Variants in PLPPR1 observed in about 807,000 individuals in gnomAD.
The protein encoded by PLPPR1 is phospholipid phosphatase related 1.
Under a neutral mutation model 33.1 loss-of-function variants are expected in PLPPR1, and 10 were observed. That is an observed-to-expected ratio of 0.30 (90% CI 0.19 to 0.51). PLPPR1 has a LOEUF of 0.51. Among genes scored for constraint, PLPPR1 ranks in the 20% least tolerant of loss-of-function variants. The pLI is 0.97. For missense variants in PLPPR1, 304 were observed against 408.1 expected (o/e 0.74, Z 2.20); for synonymous variants, 151 against 151.0 (o/e 1.00, Z 0.00).
intron 2 of PLPPR1, among the ~76,000 whole-genome samples, chr9:101,221,676 A>C (rs1482617348): frequency 6.6e-6 from 1 of 152,200 alleles, no homozygotes; most frequent in Non-Finnish European, 1.5e-5. Flanking sequence ...CTCAGAGGTG[A>C]AGTAACTGCC....
At chr9:101,265,131 T>G (rs899979760) in intron 2 of PLPPR1, among the ~76,000 whole-genome samples, 1 of 152,200 alleles carries the variant, frequency 6.6e-6, no homozygotes, top group Non-Finnish European at 1.5e-5. Context: ...TTCTTGACAT[T>G]TTTACTTTTC....
chr9:101,092,190 C>T (rs1830750026), intron 1 of PLPPR1, among the ~76,000 whole-genome samples: 1 of 152,198 alleles, frequency 6.6e-6, no homozygotes, highest in Admixed American at 6.5e-5. Context: ...GTCTACTTCT[C>T]TTTCAGGTGT....
At chr9:101,162,118 A>G (rs1215083293) in intron 1 of PLPPR1, among the ~76,000 whole-genome samples, 1 of 151,916 alleles carries the variant, frequency 6.6e-6, no homozygotes, top group African/African-American at 2.4e-5. Flanking sequence ...AAAAAAAAAA[A>G]AGATAATATT....
At chr9:101,173,422 C>T (rs1205010649) in intron 1 of PLPPR1, among the ~76,000 whole-genome samples, 1 of 152,208 alleles carries the variant, frequency 6.6e-6, no homozygotes, top group Non-Finnish European at 1.5e-5. Context: ...TCTTAAATAG[C>T]TCACAGGCTC....
At chr9:101,087,134 C>A (rs369360166) in intron 1 of PLPPR1, among the ~76,000 whole-genome samples, 2 of 151,014 alleles carry the variant, frequency 1.3e-5, no homozygotes, top group African/African-American at 2.4e-5. Flanking sequence ...GCCAAGACTG[C>A]GCCACTGTAC....
intron 2 of PLPPR1, among the ~76,000 whole-genome samples, chr9:101,261,460 C>T (rs1360213615): frequency 6.6e-6 from 1 of 152,058 alleles, no homozygotes; most frequent in Non-Finnish European, 1.5e-5. Flanking sequence ...CCTCTTTAGT[C>T]CTTAAAGAAG....
chr9:101,318,102 G>C (rs1223453047), intron 7 of PLPPR1, among the ~76,000 whole-genome samples: 1 of 151,920 alleles, frequency 6.6e-6, no homozygotes, highest in Non-Finnish European at 1.5e-5. Context: ...AGGCCAAGGT[G>C]GGAGGATTGC....
At chr9:101,170,235 A>G (rs1001416510) in intron 1 of PLPPR1, among the ~76,000 whole-genome samples, 2 of 152,192 alleles carry the variant, frequency 1.3e-5, no homozygotes, top group African/African-American at 4.8e-5. Context: ...AATACATACT[A>G]TATTAATCTG....
At chr9:101,031,104 T>A (rs1316925850) in intron 1 of PLPPR1, among the ~76,000 whole-genome samples, 1 of 152,198 alleles carries the variant, frequency 6.6e-6, no homozygotes, top group Non-Finnish European at 1.5e-5. Flanking sequence ...TATTTTCAAG[T>A]GAAATTGGCA....
intron 1 of PLPPR1, among the ~76,000 whole-genome samples, chr9:101,139,067 G>A (rs1831413505): frequency 1.3e-5 from 2 of 151,942 alleles, no homozygotes; most frequent in South Asian, 4.2e-4. Flanking sequence ...TGTTGTCTAA[G>A]TATCATGTTT....
chr9:101,237,341 A>G (rs1022893970), intron 2 of PLPPR1, among the ~76,000 whole-genome samples: 42 of 151,728 alleles, frequency 2.8e-4, no homozygotes, highest in African/African-American at 9.9e-4. Context: ...AAGGAAAATA[A>G]ATCATCACAT....
chr9:101,155,596 C>G (rs1831671542), intron 1 of PLPPR1, among the ~76,000 whole-genome samples: 1 of 120,358 alleles, frequency 8.3e-6, no homozygotes, highest in South Asian at 2.8e-4. Context: ...TCTTTTCTCT[C>G]TCTCTCTCTT....
chr9:101,147,111 G>T (rs1010496921), intron 1 of PLPPR1, among the ~76,000 whole-genome samples: 6 of 152,066 alleles, frequency 3.9e-5, no homozygotes, highest in African/African-American at 1.4e-4. Context: ...CCTGTGCTTG[G>T]AATTACCTAT....
At chr9:101,168,728 ATGCTCGTC>A (rs1265806238) in intron 1 of PLPPR1, among the ~76,000 whole-genome samples, 1 of 152,128 alleles carries the variant, frequency 6.6e-6, no homozygotes, top group Non-Finnish European at 1.5e-5. Context: ...CTTTTTCTCA[ATGCTCGTC>A]TTCAAAATAA....
At chr9:101,066,253 C>T (rs906888520) in intron 1 of PLPPR1, among the ~76,000 whole-genome samples, 5 of 152,044 alleles carry the variant, frequency 3.3e-5, no homozygotes, top group Non-Finnish European at 5.9e-5. Context: ...ATAGTCTGTT[C>T]TACCCATGTC....
intron 2 of PLPPR1, among the ~76,000 whole-genome samples, chr9:101,244,335 T>A (rs114840875): frequency 0.015 from 2,239 of 152,116 alleles, 45 homozygotes; most frequent in African/African-American, 0.049. Context: ...TGTTGAGATA[T>A]GTTCAGAAGC....
intron 2 of PLPPR1, among the ~76,000 whole-genome samples, chr9:101,266,328 G>A (rs961054453): frequency 4.7e-5 from 7 of 148,184 alleles, no homozygotes; most frequent in Non-Finnish European, 9.0e-5. Flanking sequence ...CCGGGAAAGC[G>A]GAGGTTGCAG....
At chr9:101,300,695 C>T (rs2118940862) in intron 4 of PLPPR1, among the ~76,000 whole-genome samples, 1 of 152,272 alleles carries the variant, frequency 6.6e-6, no homozygotes, top group Non-Finnish European at 1.5e-5. Context: ...TTCTAAAAAT[C>T]CAGGCCTCAA....
intron 7 of PLPPR1, among the ~76,000 whole-genome samples, chr9:101,319,718 ATC>A (rs1438384087): frequency 6.6e-6 from 1 of 152,232 alleles, no homozygotes; most frequent in Non-Finnish European, 1.5e-5. Context: ...GTGAAATAGA[ATC>A]TCTCTAACTT....
Sources: allele counts gnomAD v4.1 joint callset (sites outside exome capture counted in the v4.1 genomes callset), GRCh38; gene constraint gnomAD v4.1.1; transcripts MANE v1.5; gene names NCBI Gene and HGNC (gene_info 2026-07-23, HGNC 2026-07-21).